The following HSPA12A variants were observed in gnomAD, a reference collection of about 807,000 sequenced individuals.
HSPA12A encodes heat shock protein family A (Hsp70) member 12A, also known as heat shock 70 kDa protein 12A.
Under a neutral mutation model 69.2 loss-of-function variants are expected in HSPA12A, and 28 were observed. The ratio of observed to expected loss-of-function variants is 0.40; its 90% CI spans 0.30 to 0.55. HSPA12A has a LOEUF of 0.55. Ranked by LOEUF, HSPA12A falls within the 20% of genes least tolerant of loss-of-function variation. The pLI is 0.38. For missense variants in HSPA12A, 686 were observed against 900.7 expected, an observed-to-expected ratio of 0.76 and a Z score of 3.05; for synonymous variants, 345 against 370.5, an observed-to-expected ratio of 0.93 and a Z score of 0.79.
chr10:116,760,478 T>C (rs1554889172), intron 2 of HSPA12A, among the ~76,000 whole-genome samples: 1 of 152,060 alleles, frequency 6.6e-6, no homozygotes, highest in Admixed American at 6.5e-5. Flanking sequence ...ACTCCACACC[T>C]CTGATCAGTC....
chr10:116,837,443 T>C (rs144137698), intron 1 of HSPA12A, among the ~76,000 whole-genome samples: 12 of 152,290 alleles, frequency 7.9e-5, no homozygotes, highest in Non-Finnish European at 1.3e-4. Context: ...GCAGTAGACA[T>C]GCCTATTATC....
intron 2 of HSPA12A, among the ~76,000 whole-genome samples, chr10:116,795,587 G>A (rs1283225270): frequency 6.6e-6 from 1 of 150,562 alleles, no homozygotes; most frequent in African/African-American, 2.4e-5. Flanking sequence ...TCAGGAGGCT[G>A]GGGCAGGAGA....
chr10:116,711,431 T>C (rs1900509), intron 1 of HSPA12A, among the ~76,000 whole-genome samples: 86,978 of 151,928 alleles, frequency 0.57, 25,393 homozygotes, highest in South Asian at 0.71. Flanking sequence ...AGAAGGAAGA[T>C]TGCTAAAAGA....
intron 2 of HSPA12A, among the ~76,000 whole-genome samples, chr10:116,764,835 T>A (rs1554889606): frequency 6.6e-6 from 1 of 152,158 alleles, no homozygotes; most frequent in African/African-American, 2.4e-5. Flanking sequence ...CACAAAAAAA[T>A]CATTAATTCA....
chr10:116,790,745 C>T (rs1844686213), intron 2 of HSPA12A, among the ~76,000 whole-genome samples: 1 of 152,060 alleles, frequency 6.6e-6, no homozygotes, highest in Admixed American at 6.6e-5. Context: ...GGCTGGAGTG[C>T]AGTGGCATGA....
intron 1 of HSPA12A, among the ~76,000 whole-genome samples, chr10:116,726,351 T>C (rs1260495843): frequency 6.6e-6 from 1 of 152,096 alleles, no homozygotes; most frequent in Non-Finnish European, 1.5e-5. Flanking sequence ...CCTCTGTCTC[T>C]GTCTCCCTCC....
At position 116,686,490 on chromosome 10, in the gene HSPA12A, CTG is replaced by C. The variant is rs1849579426; in HGVS notation, c.664-2530_664-2529del. 6.6e-6 allele frequency among the ~76,000 whole-genome samples: 1 copy of C among 152,172 alleles called. No individual in the cohort carries two copies. The highest frequency in any genetic ancestry group is 1.5e-5 in the Non-Finnish European group (1 of 68,028). ...TCCAAAGTTCAAACTTGAAAATAAA[CTG>C]GGGATGGCAGTAGACCCATGAGTGG... On this transcript the variant is annotated intron_variant, in intron 6 of 11. Transcript: ENST00000369209. The surrounding 1 kb of genome is among the most constrained non-coding windows in gnomAD (Gnocchi z 4.1).
intron 2 of HSPA12A, among the ~76,000 whole-genome samples, chr10:116,803,960 A>G (rs962096156): frequency 2.0e-5 from 3 of 152,126 alleles, no homozygotes; most frequent in Non-Finnish European, 4.4e-5. Context: ...TCCCCCAGTA[A>G]AAGATTCAAA....
upstream of HSPA12A, among the ~76,000 whole-genome samples, chr10:116,743,107 C>G (rs1554887511): frequency 1.3e-5 from 2 of 152,300 alleles, no homozygotes; most frequent in Admixed American, 1.3e-4. Context: ...GCGCGGGGGC[C>G]GAGCCCGGGG....
At chr10:116,837,590 T>G (rs529888691) in intron 1 of HSPA12A, among the ~76,000 whole-genome samples, 14 of 152,316 alleles carry the variant, frequency 9.2e-5, no homozygotes, top group Middle Eastern at 3.4e-3. Flanking sequence ...CTCTGAAAGG[T>G]CATGGTACAA....
intron 1 of HSPA12A, among the ~76,000 whole-genome samples, chr10:116,712,388 A>G (rs1850462020): frequency 6.6e-6 from 1 of 152,202 alleles, no homozygotes; most frequent in South Asian, 2.1e-4. Flanking sequence ...ATCCTGGCCA[A>G]CAAGTCTCCT....
intron 2 of HSPA12A, among the ~76,000 whole-genome samples, chr10:116,786,609 T>C (rs1844582596): frequency 6.6e-6 from 1 of 152,210 alleles, no homozygotes; most frequent in Non-Finnish European, 1.5e-5. Context: ...CGTTCATCTG[T>C]AGCTGCCTAT....
intron 2 of HSPA12A, among the ~76,000 whole-genome samples, chr10:116,793,391 C>G (rs1844742254): frequency 6.6e-6 from 1 of 152,066 alleles, no homozygotes; most frequent in Non-Finnish European, 1.5e-5. Context: ...GGCAACATGA[C>G]AAAACCCTGT....
intron 2 of HSPA12A, among the ~76,000 whole-genome samples, chr10:116,749,516 A>T (rs1851726062): frequency 6.6e-6 from 1 of 152,256 alleles, no homozygotes; most frequent in Non-Finnish European, 1.5e-5. Flanking sequence ...TTCTGAGCTC[A>T]AGAACACGTT....
intron 1 of HSPA12A, among the ~76,000 whole-genome samples, chr10:116,731,743 C>T (rs955326655): frequency 2.6e-4 from 40 of 152,270 alleles, no homozygotes; most frequent in Non-Finnish European, 5.3e-4. Flanking sequence ...ACTCTCTGAC[C>T]ACCAGATATC....
At chr10:116,779,855 T>G (rs75800541) in intron 2 of HSPA12A, among the ~76,000 whole-genome samples, 1,728 of 152,062 alleles carry the variant, frequency 0.011, 34 homozygotes, top group African/African-American at 0.04. Context: ...GAGCTCTGAG[T>G]GCACTCCGTC....
At chr10:116,781,779 A>C (rs144569882) in intron 2 of HSPA12A, among the ~76,000 whole-genome samples, 186 of 152,162 alleles carry the variant, frequency 1.2e-3, no homozygotes, top group African/African-American at 3.4e-3. Context: ...GCCTTTTCTG[A>C]GGTTGGGTAG....
chr10:116,737,559 A>G (rs781922515), intron 1 of HSPA12A, among the ~76,000 whole-genome samples: 3 of 152,228 alleles, frequency 2.0e-5, no homozygotes, highest in Non-Finnish European at 2.9e-5. Flanking sequence ...AGATACTTAG[A>G]AGGTGAAAGA....
At chr10:116,804,922 T>TA (rs1845036206) in intron 2 of HSPA12A, among the ~76,000 whole-genome samples, 1 of 152,216 alleles carries the variant, frequency 6.6e-6, no homozygotes, top group Non-Finnish European at 1.5e-5. Flanking sequence ...TCAAAAAAGA[T>TA]AGGCGAGCCT....
Sources: allele counts gnomAD v4.1 joint callset (sites outside exome capture counted in the v4.1 genomes callset), GRCh38; gene constraint gnomAD v4.1.1; non-coding constraint Gnocchi (gnomAD v3.1); transcripts MANE v1.5; gene names NCBI Gene and HGNC (gene_info 2026-07-23, HGNC 2026-07-21).